INSC: variants seen among roughly 807,000 people sequenced by gnomAD.
INSC encodes protein inscuteable homolog.
Under a neutral mutation model 58.6 loss-of-function variants are expected in INSC, and 67 were observed. The observed-to-expected ratio is 1.14, with a 90% CI of 0.94 to 1.40. The LOEUF (loss-of-function observed/expected upper bound fraction) is 1.40, where lower values mean the gene tolerates loss of function less well. Ranked by LOEUF, INSC falls within the 40% of genes most tolerant of loss-of-function variation. The probability of loss-of-function intolerance (pLI) is 0.00; values close to 1 mark genes in which losing one functional copy is unlikely to be tolerated. For missense variants in INSC, 714 were observed against 692.0 expected, an observed-to-expected ratio of 1.03 and a Z score of -0.36; for synonymous variants, 262 against 276.1, an observed-to-expected ratio of 0.95 and a Z score of 0.51.
At chr11:15,212,386 G>T (rs558436879) in intron 7 of INSC, among the ~76,000 whole-genome samples, 2 of 152,142 alleles carry the variant, frequency 1.3e-5, no homozygotes, top group African/African-American at 4.8e-5. Flanking sequence ...GCCCACCTCA[G>T]CCTCCCAAAG....
At chr11:15,146,993 T>C (rs1180307802) in intron 1 of INSC, among the ~76,000 whole-genome samples, 1 of 152,184 alleles carries the variant, frequency 6.6e-6, no homozygotes, top group Admixed American at 6.5e-5. Context: ...TCTTAGTATT[T>C]TCCTGTCTCC....
At chr11:15,170,546 C>T (rs937140595) in intron 2 of INSC, among the ~76,000 whole-genome samples, 6 of 152,146 alleles carry the variant, frequency 3.9e-5, no homozygotes, top group African/African-American at 1.4e-4. Context: ...TTATCATATC[C>T]TTTCAGGGGT....
rs180789362 is a variant in INSC, at chr11:15,191,133, A to T, written c.693+319A>T. ...GTAGCTGGGACTACAGGCGCCTGCC[A>T]CCACGTCCGGCTAATTTTTGTATTT... On this transcript the variant is annotated intron_variant, in intron 6 of 12. Transcript: ENST00000379556. Among the ~76,000 whole-genome samples, 331 of 152,150 alleles carry T rather than the reference A, an allele frequency of 2.2e-3. 1 individual carries two copies. The highest frequency in any genetic ancestry group is 7.7e-3 in the African/African-American group (318 of 41,500).
intron 8 of INSC, among the ~76,000 whole-genome samples, chr11:15,222,545 G>T (rs1189125518): frequency 6.6e-6 from 1 of 152,134 alleles, no homozygotes; most frequent in Non-Finnish European, 1.5e-5. Context: ...CCATTCAAGT[G>T]GTTATGTGCA....
chr11:15,248,221 T>G (rs373691420), downstream of INSC, among the ~76,000 whole-genome samples: 13 of 152,330 alleles, frequency 8.5e-5, no homozygotes, highest in East Asian at 5.8e-4. Context: ...TAATAATTTT[T>G]ACTGCTTCAT....
intron 9 of INSC, among the ~76,000 whole-genome samples, chr11:15,226,712 G>A (rs185385262): frequency 1.5e-3 from 236 of 152,270 alleles, no homozygotes; most frequent in Non-Finnish European, 2.6e-3. Context: ...TCTGTTCCAT[G>A]CCAGCAGCTG....
intron 5 of INSC, among the ~76,000 whole-genome samples, chr11:15,184,204 C>T (rs78177787): frequency 0.025 from 1,872 of 75,600 alleles, 49 homozygotes; most frequent in African/African-American, 0.064. Context: ...TATTACTTTG[C>T]ATTATTACAA....
chr11:15,237,546 G>C (rs1852177061), intron 10 of INSC, among the ~76,000 whole-genome samples: 1 of 152,194 alleles, frequency 6.6e-6, no homozygotes, highest in Non-Finnish European at 1.5e-5. Flanking sequence ...TTTAATGAAG[G>C]AGCTATTTTC....
At chr11:15,197,233 T>A (rs2133874500) in intron 6 of INSC, among the ~76,000 whole-genome samples, 1 of 152,340 alleles carries the variant, frequency 6.6e-6, no homozygotes, top group East Asian at 1.9e-4. Flanking sequence ...AACCTTCTGA[T>A]ATTTCAGGTC....
chr11:15,227,911 A>T (rs1851704885), intron 9 of INSC, among the ~76,000 whole-genome samples: 1 of 152,200 alleles, frequency 6.6e-6, no homozygotes, highest in Non-Finnish European at 1.5e-5. Context: ...TAGTGAGGCA[A>T]TAAGACAAGG....
At chr11:15,180,560 G>C (rs531142305) in intron 5 of INSC, among the ~76,000 whole-genome samples, 137 of 151,966 alleles carry the variant, frequency 9.0e-4, no homozygotes, top group African/African-American at 3.1e-3. Context: ...TTCCCCAGCT[G>C]TTCCCTGCTC....
At chr11:15,132,448 GCTAA>G (rs2133707201) in intron 1 of INSC, among the ~76,000 whole-genome samples, 1 of 152,206 alleles carries the variant, frequency 6.6e-6, no homozygotes, top group Admixed American at 6.5e-5. Context: ...ACTGCACTCA[GCTAA>G]CTTTTTAAAT....
intron 6 of INSC, among the ~76,000 whole-genome samples, chr11:15,200,581 A>C (rs1850544168): frequency 6.6e-6 from 1 of 152,012 alleles, no homozygotes; most frequent in Non-Finnish European, 1.5e-5. Context: ...CGAGCCCCAG[A>C]AGCATTTATA....
At chr11:15,128,390 G>A (rs1848048545) in intron 1 of INSC, among the ~76,000 whole-genome samples, 1 of 152,142 alleles carries the variant, frequency 6.6e-6, no homozygotes. Context: ...GTGTCATAAT[G>A]TCATATCCAT....
intron 9 of INSC, chr11:15,235,001 G>C (rs1852066729): frequency 6.3e-6 from 1 of 158,840 alleles, no homozygotes; most frequent in South Asian, 1.8e-4. Flanking sequence ...TGACTGATAA[G>C]CGAGGCTTAC....
chr11:15,262,655 AACACAC>A, the INSC span, among the ~76,000 whole-genome samples: 854 of 146,780 alleles, frequency 5.8e-3, 9 homozygotes, highest in African/African-American at 0.019. Flanking sequence ...CTGGGTGATA[AACACAC>A]ACACACACAC....
intron 1 of INSC, among the ~76,000 whole-genome samples, chr11:15,138,738 C>T (rs1848304404): frequency 6.6e-6 from 1 of 152,186 alleles, no homozygotes; most frequent in African/African-American, 2.4e-5. Flanking sequence ...ATTATTATTT[C>T]ACTTTCTCTG....
the INSC span, among the ~76,000 whole-genome samples, chr11:15,266,158 A>G: frequency 1.4e-3 from 207 of 152,000 alleles, 2 homozygotes; most frequent in African/African-American, 4.7e-3. Flanking sequence ...AGTTAGTTTT[A>G]TTTTTAGGGA....
intron 9 of INSC, among the ~76,000 whole-genome samples, chr11:15,228,881 G>A (rs1812665806): frequency 6.6e-6 from 1 of 152,206 alleles, no homozygotes; most frequent in Non-Finnish European, 1.5e-5. Context: ...CTTGGACCTA[G>A]GCTCTTCTAT....
Sources: gnomAD v4.1 joint callset for allele counts (sites outside exome capture counted in the v4.1 genomes callset) on GRCh38, gnomAD v4.1.1 for gene constraint, MANE v1.5 for transcripts, NCBI Gene and HGNC (gene_info 2026-07-23, HGNC 2026-07-21) for gene names.